The following BIRC6 variants were observed in gnomAD, a reference collection of about 807,000 sequenced individuals.
The protein encoded by BIRC6 is baculoviral IAP repeat containing 6, also known as dual E2 ubiquitin-conjugating enzyme/E3 ubiquitin-protein ligase BIRC6.
BIRC6 carries 98 observed loss-of-function variants against 503.3 expected under a neutral mutation model. The observed-to-expected ratio is 0.19, with a 90% CI of 0.17 to 0.23. The LOEUF (loss-of-function observed/expected upper bound fraction) is 0.23. Ranked by LOEUF, BIRC6 falls within the 10% of genes least tolerant of loss-of-function variation. The pLI, the probability that BIRC6 is intolerant of heterozygous loss-of-function variation, is 1.00. For synonymous variants in BIRC6, 2,240 were observed against 2,078.7 expected (o/e 1.08, Z -2.11); for missense variants, 5,360 against 5,806.0 (o/e 0.92, Z 2.50).
Position 32,377,577 on chromosome 2 carries a change from TC to T in BIRC6, c.326-10del, listed in dbSNP as rs1264561038. On this transcript the variant is annotated splice_polypyrimidine_tract_variant and intron_variant, in intron 1 of 73. Coordinates refer to ENST00000421745, the MANE Select transcript of BIRC6 (RefSeq NM_016252.4). Reference sequence around the variant, plus strand: ...AAAATCTTAAGTGTTGAATTTTTGTTCTTTTAACAGCTAAACCAGGTGGACA... The same window carrying T: ...AAAATCTTAAGTGTTGAATTTTTGTTTTTTAACAGCTAAACCAGGTGGACA... 1 of 1,590,116 alleles carries T rather than the reference TC, an allele frequency of 6.3e-7. No homozygotes were observed. Among genetic ancestry groups the T allele is most frequent in the Admixed American group, 1.8e-5 (1 of 54,498 alleles).
intron 38 of BIRC6, among the ~76,000 whole-genome samples, chr2:32,481,678 A>C (rs1042169281): frequency 7.2e-5 from 11 of 152,020 alleles, no homozygotes; most frequent in Admixed American, 7.2e-4. Context: ...AGGCAGGAGA[A>C]TGGCATGAAC....
chr2:32,542,557 A>C (rs1331789072), intron 61 of BIRC6, among the ~76,000 whole-genome samples: 1 of 152,248 alleles, frequency 6.6e-6, no homozygotes, highest in Admixed American at 6.5e-5. Context: ...AAATGTAGAA[A>C]GAATGACAGA....
chr2:32,560,743 T>A (rs2150673248), intron 65 of BIRC6, among the ~76,000 whole-genome samples: 1 of 152,202 alleles, frequency 6.6e-6, no homozygotes, highest in South Asian at 2.1e-4. Context: ...AGTTTTAAAA[T>A]TTTTTGTAGA....
At chr2:32,587,707 G>C (rs1433828424) in intron 66 of BIRC6, among the ~76,000 whole-genome samples, 2 of 152,216 alleles carry the variant, frequency 1.3e-5, no homozygotes, top group African/African-American at 4.8e-5. Flanking sequence ...CTGTGCGACA[G>C]AGCGAGAATC....
At chr2:32,397,693 T>TACAC (rs148310332) in intron 6 of BIRC6, among the ~76,000 whole-genome samples, 2,682 of 144,696 alleles carry the variant, frequency 0.019, 30 homozygotes, top group South Asian at 0.03. Flanking sequence ...CATATATATG[T>TACAC]ACACACACAC....
At chr2:32,358,524 G>T (rs2033548855) in intron 1 of BIRC6, among the ~76,000 whole-genome samples, 1 of 152,170 alleles carries the variant, frequency 6.6e-6, no homozygotes, top group African/African-American at 2.4e-5. Context: ...AAAAGTTAGT[G>T]TATGAGTGAA....
rs192487875 is a variant in BIRC6, at chr2:32,494,440, G to C, written c.8468+773G>C. ...ACGGGGTTTCACTATGTTGGCCAGG[G>C]TGGTCTCGATCTCCTGACCTCGTGA... is the stretch of plus-strand genomic sequence containing the variant. On this transcript the variant is annotated intron_variant, in intron 45 of 73. Coordinates refer to ENST00000421745, the MANE Select transcript of BIRC6 (RefSeq NM_016252.4). Among the ~76,000 whole-genome samples the C allele has an allele frequency of 2.2e-3, 328 of 151,178 alleles. 2 individuals are homozygous for C. The highest frequency in any genetic ancestry group is 7.7e-3 in the African/African-American group (320 of 41,346).
Position 32,411,414 on chromosome 2 carries a change from TA to T in BIRC6, c.1478-3354del, listed in dbSNP as rs200102855. Among the ~76,000 whole-genome samples the T allele has an allele frequency of 6.9e-3, 1,022 of 148,154 alleles. 15 individuals carry two copies. The highest frequency in any genetic ancestry group is 0.023 in the African/African-American group (944 of 40,594). On this transcript the variant is annotated intron_variant, in intron 9 of 73. Coordinates refer to ENST00000421745, the MANE Select transcript of BIRC6 (RefSeq NM_016252.4). ...ATTAAGGCAATTATATATATATATATATATTTTATTTTTTTATTTTTTTTTT... is the reference window on the plus strand; with the variant it reads ...ATTAAGGCAATTATATATATATATATTATTTTATTTTTTTATTTTTTTTTT...
intron 33 of BIRC6, among the ~76,000 whole-genome samples, chr2:32,474,282 G>GAA (rs991457108): frequency 6.6e-6 from 1 of 151,866 alleles, no homozygotes; most frequent in South Asian, 2.1e-4. Flanking sequence ...TCCTTTGCAG[G>GAA]AAAAATGAGA....
chr2:32,591,782 A>G (rs72858120), intron 66 of BIRC6, among the ~76,000 whole-genome samples: 2,128 of 152,274 alleles, frequency 0.014, 56 homozygotes, highest in African/African-American at 0.049. Context: ...TTTCTTATTC[A>G]GTGGCCCTGT....
At chr2:32,470,144 CT>C in intron 30 of BIRC6, 23 bp from the exon 31 acceptor site, 2 of 1,451,928 alleles carry the variant, frequency 1.4e-6, no homozygotes, top group East Asian at 2.6e-5. Flanking sequence ...TTATTCTTTT[CT>C]TTTTTGTTTG....
intron 23 of BIRC6, among the ~76,000 whole-genome samples, chr2:32,457,040 C>T (rs1558777551): frequency 6.6e-6 from 1 of 152,198 alleles, no homozygotes; most frequent in Non-Finnish European, 1.5e-5. Flanking sequence ...TGCAGGCACA[C>T]ACCACTGCAC....
intron 4 of BIRC6, 134 bp from the exon 5 acceptor site, chr2:32,391,905 A>C: frequency 3.4e-6 from 2 of 586,826 alleles, no homozygotes; most frequent in Non-Finnish European, 5.7e-6. Flanking sequence ...TTAAAGTAAA[A>C]AATTGAACTT....
chr2:32,454,898 A>G lies in BIRC6; in HGVS notation c.4753+956A>G, dbSNP rs564237390. ...ATGAGCTTTTTAGATTAAAAACCTA[A>G]TATTTCCTTTATATGGTGATTCTAG... On this transcript the variant is annotated intron_variant, in intron 23 of 73. Transcript: ENST00000421745. Among the ~76,000 whole-genome samples, 109 of 152,288 alleles carry G rather than the reference A, an allele frequency of 7.2e-4. 1 individual carries two copies. The highest frequency in any genetic ancestry group is 1.1e-3 in the Non-Finnish European group (78 of 68,038).
In BIRC6 at chr2:32,525,508, C is replaced by T. The variant is rs370689687; in HGVS notation, c.11800C>T (p.Arg3934Cys). 5.6e-5 allele frequency: 90 copies of T among 1,613,850 alleles called. No homozygotes were observed. The highest frequency in any genetic ancestry group is 7.1e-5 in the Non-Finnish European group (84 of 1,179,886). ...SKRAVSATPP[R>C]PPSRRGRTIP... ...ACGTGCTGTGTCAGCTACACCACCTCGCCCACCATCCAGGAGGGGGAGGAC... is the reference window on the plus strand; with the variant it reads ...ACGTGCTGTGTCAGCTACACCACCTTGCCCACCATCCAGGAGGGGGAGGAC... The change falls in exon 59 of 74, where the codon CGC (arginine) becomes TGC (cysteine). Residue 3934 changes from arginine (R) to cysteine (C), a missense_variant. Arg to Cys is a radical substitution (Grantham distance 180). Coordinates refer to ENST00000421745, the MANE Select transcript of BIRC6 (RefSeq NM_016252.4).
chr2:32,419,847 G>A (rs908934350), intron 10 of BIRC6, among the ~76,000 whole-genome samples: 1 of 152,066 alleles, frequency 6.6e-6, no homozygotes, highest in Non-Finnish European at 1.5e-5. Context: ...CCTTGTTTTG[G>A]TACTTGTTTC....
intron 59 of BIRC6, 130 bp from the exon 60 acceptor site, chr2:32,529,521 T>G (rs2149986528): frequency 1.2e-6 from 1 of 840,406 alleles, no homozygotes; most frequent in East Asian, 2.9e-5. Flanking sequence ...GGCTGTTGAA[T>G]TTTTTAATTG....
intron 16 of BIRC6, 40 bp from the exon 17 acceptor site, chr2:32,441,289 A>T: frequency 7.6e-7 from 1 of 1,322,192 alleles, no homozygotes; most frequent in Non-Finnish European, 1.0e-6. Flanking sequence ...TTTTTAGTTT[A>T]GTTTATTTTT....
chr2:32,460,052 T>G (rs2047659957), intron 23 of BIRC6, among the ~76,000 whole-genome samples: 1 of 148,604 alleles, frequency 6.7e-6, no homozygotes, highest in Non-Finnish European at 1.5e-5. Context: ...CGTTTTTTCC[T>G]TGTGTTATTT....
Sources: gnomAD v4.1 joint callset for allele counts (sites outside exome capture counted in the v4.1 genomes callset) on GRCh38, gnomAD v4.1.1 for gene constraint, MANE v1.5 for transcripts, NCBI Gene and HGNC (gene_info 2026-07-23, HGNC 2026-07-21) for gene names.